The following NRG1 variants were observed in gnomAD, a reference collection of about 807,000 sequenced individuals.
NRG1 encodes the protein pro-neuregulin-1, membrane-bound isoform.
A neutral mutation model predicts 63.8 loss-of-function variants in NRG1; 18 were observed. That is an observed-to-expected ratio of 0.28 (90% confidence interval 0.19 to 0.42). NRG1 has a LOEUF of 0.42. Ranked by LOEUF, NRG1 falls within the 10% of genes least tolerant of loss-of-function variation. NRG1 has a pLI of 1.00. For missense variants in NRG1, 762 were observed against 814.7 expected (o/e 0.94, Z 0.79); for synonymous variants, 302 against 301.3 (o/e 1.00, Z -0.02).
intron 1 of NRG1, among the ~76,000 whole-genome samples, chr8:31,696,258 G>A (rs1481994229): frequency 1.3e-5 from 2 of 152,106 alleles, no homozygotes; most frequent in Non-Finnish European, 2.9e-5. Context: ...ATAGAGACAG[G>A]GTTTCACCAT....
intron 1 of NRG1, among the ~76,000 whole-genome samples, chr8:32,128,475 T>C (rs1026633609): frequency 6.6e-6 from 1 of 152,096 alleles, no homozygotes; most frequent in Admixed American, 6.6e-5. Flanking sequence ...AGTTCTTGAC[T>C]AGGTAAACTG....
chr8:32,739,250 C>G (rs947245121), intron 6 of NRG1, among the ~76,000 whole-genome samples: 10 of 152,150 alleles, frequency 6.6e-5, no homozygotes, highest in Non-Finnish European at 1.2e-4. Flanking sequence ...ACATCCACAT[C>G]TCTTAGGGAT....
intron 5 of NRG1, among the ~76,000 whole-genome samples, chr8:32,680,914 C>G (rs1047413439): frequency 3.3e-5 from 5 of 151,986 alleles, no homozygotes; most frequent in Admixed American, 2.6e-4. Flanking sequence ...CAATAAAATA[C>G]ATGATACCAT....
chr8:32,414,045 G>C (rs117175770), intron 1 of NRG1, among the ~76,000 whole-genome samples: 9 of 152,212 alleles, frequency 5.9e-5, no homozygotes, highest in Non-Finnish European at 8.8e-5. Context: ...GTTCTAGGAG[G>C]TTTGGGCTTA....
intron 11 of NRG1, chr8:32,763,154 C>T (rs1831015016): frequency 6.6e-7 from 1 of 1,526,678 alleles, no homozygotes; most frequent in South Asian, 1.2e-5. Context: ...ATGAAAAGCA[C>T]ACAAATGTAT....
At chr8:32,772,501 TTTA>T (rs1333003857), downstream of NRG1, among the ~76,000 whole-genome samples, 6 of 152,118 alleles carry the variant, frequency 3.9e-5, no homozygotes, top group African/African-American at 1.2e-4. Flanking sequence ...ATGAGGACAT[TTTA>T]TTATTTTTAT....
intron 1 of NRG1, among the ~76,000 whole-genome samples, chr8:31,754,935 C>T (rs1816820074): frequency 6.6e-6 from 1 of 152,002 alleles, no homozygotes. Context: ...CCCTTATCTA[C>T]CTATTCAGGT....
chr8:32,427,389 C>T (rs1422101842), intron 1 of NRG1, among the ~76,000 whole-genome samples: 3 of 152,090 alleles, frequency 2.0e-5, no homozygotes, highest in Non-Finnish European at 4.4e-5. Context: ...ATCCTTCCTG[C>T]GATCACAGCT....
intron 1 of NRG1, among the ~76,000 whole-genome samples, chr8:32,320,015 A>G (rs1386440): frequency 0.68 from 102,781 of 151,902 alleles, 35,030 homozygotes; most frequent in Middle Eastern, 0.83. Context: ...TAAGATTTTG[A>G]ACCCAGGATA....
intron 5 of NRG1, among the ~76,000 whole-genome samples, chr8:32,715,254 T>C (rs1818886098): frequency 6.6e-6 from 1 of 152,122 alleles, no homozygotes; most frequent in African/African-American, 2.4e-5. Flanking sequence ...TACACCCAAC[T>C]GGATTGCTGA....
intron 1 of NRG1, among the ~76,000 whole-genome samples, chr8:31,786,181 T>C (rs1820149694): frequency 1.3e-5 from 2 of 152,200 alleles, no homozygotes; most frequent in Non-Finnish European, 2.9e-5. Context: ...CTGCAAAGAA[T>C]TGAGTTTCGA....
chr8:31,809,286 C>T (rs946876082), intron 1 of NRG1, among the ~76,000 whole-genome samples: 28 of 148,680 alleles, frequency 1.9e-4, no homozygotes, highest in African/African-American at 6.9e-4. Flanking sequence ...AAATTTCAGT[C>T]TAAAGATGTA....
rs185737755 is a variant in NRG1 at position 31,768,498 on chromosome 8, T to C, written c.37+129067T>C. 3.8e-3 allele frequency among the ~76,000 whole-genome samples: 584 copies of C among 152,330 alleles called. 1 individual carries two copies. Among genetic ancestry groups the C allele is most frequent in the Middle Eastern group, 0.02 (6 of 294 alleles). ...TCATCTGTGAAGATGACTGGAATGT[T>C]AGCCCACTGAAGTTATAACTTGTGG... On this transcript the variant is annotated intron_variant, in intron 1 of 10. Coordinates refer to the NRG1 transcript ENST00000519301.
chr8:31,768,764 C>T (rs1818327154), intron 1 of NRG1, among the ~76,000 whole-genome samples: 1 of 152,174 alleles, frequency 6.6e-6, no homozygotes, highest in Non-Finnish European at 1.5e-5. Flanking sequence ...TGGTCGCAAA[C>T]TTGGGTTCAT....
At chr8:32,139,768 A>T (rs1836002339) in intron 1 of NRG1, among the ~76,000 whole-genome samples, 1 of 152,214 alleles carries the variant, frequency 6.6e-6, no homozygotes, top group Admixed American at 6.5e-5. Flanking sequence ...AAATAAAATA[A>T]AAAGGTAAGA....
intron 1 of NRG1, among the ~76,000 whole-genome samples, chr8:32,508,063 G>T (rs1157625704): frequency 1.3e-5 from 2 of 152,128 alleles, no homozygotes; most frequent in African/African-American, 4.8e-5. Context: ...ATAGAAGATG[G>T]GTTAAACTCT....
chr8:31,703,535 A>C (rs1386082611), intron 1 of NRG1, among the ~76,000 whole-genome samples: 1 of 152,212 alleles, frequency 6.6e-6, no homozygotes, highest in Non-Finnish European at 1.5e-5. Flanking sequence ...AAAAGTTTCA[A>C]ACAATTTATT....
chr8:32,541,108 T>C (rs540838395), intron 1 of NRG1, among the ~76,000 whole-genome samples: 41 of 152,300 alleles, frequency 2.7e-4, no homozygotes, highest in Non-Finnish European at 5.9e-5. Flanking sequence ...AGTTAGTCTG[T>C]TGCAAAGAAA....
chr8:32,557,330 C>T (rs935048099), intron 1 of NRG1, among the ~76,000 whole-genome samples: 2 of 152,112 alleles, frequency 1.3e-5, no homozygotes, highest in African/African-American at 4.8e-5. Flanking sequence ...TTTGTGTGTA[C>T]GTATCAAATC....
Sources: allele counts gnomAD v4.1 joint callset (sites outside exome capture counted in the v4.1 genomes callset), GRCh38; gene constraint gnomAD v4.1.1; transcripts MANE v1.5; gene names NCBI Gene and HGNC (gene_info 2026-07-23, HGNC 2026-07-21).